Variants in TMEM218 observed in about 807,000 individuals in gnomAD.
TMEM218 encodes the protein transmembrane protein 218.
Under a neutral mutation model 10.0 loss-of-function variants are expected in TMEM218, and 8 were observed. The observed-to-expected ratio is 0.80, with a 90% CI of 0.47 to 1.44. The LOEUF (loss-of-function observed/expected upper bound fraction) is 1.44. Among genes scored for constraint, TMEM218 ranks in the 40% most tolerant of loss-of-function variants. The pLI is 0.00. For synonymous variants in TMEM218, 66 were observed against 63.5 expected (o/e 1.04, Z -0.18); for missense variants, 110 against 140.1 (o/e 0.79, Z 1.08).
At position 125,102,218 on chromosome 11, in the gene TMEM218, G is replaced by A. The variant is rs7114520; in HGVS notation, c.24C>T (p.Val8=). 0.016 allele frequency: 25,372 copies of A among 1,612,850 alleles called. 1,237 individuals are homozygous for A. The African/African-American group carries it at 0.17, about 11-fold the overall frequency. The part of the protein sequence containing the change: MAGTVLG[V]GAGVFILALL... Reference sequence around the variant, plus strand: ...GGGCTAAGATGAACACGCCCGCACCGACTCCGAGCACAGTGCCAGCCATCC... The same window carrying A: ...GGGCTAAGATGAACACGCCCGCACCAACTCCGAGCACAGTGCCAGCCATCC... Residue 8 remains valine (V), a synonymous_variant, in exon 3 of 5, where the codon GTC becomes GTT. Coordinates refer to ENST00000682305, the MANE Select transcript of TMEM218 (RefSeq NM_001258244.2).
In TMEM218 at chr11:125,097,582, G is replaced by C; in HGVS notation, c.*24C>G. On this transcript the variant is annotated 3_prime_UTR_variant, in exon 5 of 5. Coordinates refer to ENST00000682305, the MANE Select transcript of TMEM218 (RefSeq NM_001258244.2). ...TGTCATCACAATGAAGGAGAGAACA[G>C]GTTTTCGTTTTCCTGAAGAGTGGTC... 1 of 1,611,472 alleles carries C rather than the reference G, an allele frequency of 6.2e-7. No individual in the cohort carries two copies. Among genetic ancestry groups the C allele is most frequent in the East Asian group, 2.2e-5 (1 of 44,834 alleles).
intron 4 of TMEM218, among the ~76,000 whole-genome samples, chr11:125,098,559 C>T (rs1251917998): frequency 6.6e-6 from 1 of 152,190 alleles, no homozygotes; most frequent in Non-Finnish European, 1.5e-5. Context: ...TGACTGACTT[C>T]ACAGAAACTT....
rs1485609349 is a variant in TMEM218 at position 125,095,662 on chromosome 11, CA to C, written c.*1943del. ...TTTTTTTCCTAAAGCCAATCTTTAA[CA>C]TATATGCCTTTCATTTACATCAGGC... is the stretch of plus-strand genomic sequence containing the variant. On this transcript the variant is annotated 3_prime_UTR_variant, in exon 5 of 5. Coordinates refer to ENST00000682305, the MANE Select transcript of TMEM218 (RefSeq NM_001258244.2). 2.0e-5 allele frequency among the ~76,000 whole-genome samples: 3 copies of C among 150,630 alleles called. No homozygotes were observed. The highest frequency in any genetic ancestry group is 7.4e-5 in the African/African-American group (3 of 40,816).
chr11:125,105,077 G>C (rs1951797745), intron 1 of TMEM218: 1 of 152,138 alleles, frequency 6.6e-6, no homozygotes, highest in African/African-American at 2.4e-5. Context: ...TCACAGGATT[G>C]ACCAGTTTTT....
intron 2 of TMEM218, 27 bp downstream of exon 2, chr11:125,102,707 A>T: frequency 3.1e-6 from 4 of 1,290,656 alleles, no homozygotes; most frequent in Non-Finnish European, 4.0e-6. Flanking sequence ...CTCTCAGGTT[A>T]AATCCATGGT....
intron 3 of TMEM218, 105 bp from the exon 4 acceptor site, chr11:125,101,408 T>C: frequency 6.6e-7 from 1 of 1,516,792 alleles, no homozygotes. Flanking sequence ...TATGTTTCAG[T>C]CCCTTAACAA....
intron 1 of TMEM218, among the ~76,000 whole-genome samples, chr11:125,110,336 ATAATT>A (rs1278356530): frequency 6.6e-6 from 1 of 152,214 alleles, no homozygotes; most frequent in Admixed American, 6.5e-5. Flanking sequence ...GTGAAAAAAA[ATAATT>A]TAAATTTGAA....
At position 125,108,983 on chromosome 11, in the gene TMEM218, A is replaced by T. The variant is rs577875484; in HGVS notation, c.-153+2556T>A. 1.3e-5 allele frequency among the ~76,000 whole-genome samples: 2 copies of T among 152,338 alleles called. No individual in the cohort carries two copies. Among genetic ancestry groups the T allele is most frequent in the East Asian group, 3.9e-4 (2 of 5,192 alleles). On this transcript the variant is annotated intron_variant, in intron 1 of 4. Coordinates refer to ENST00000682305, the MANE Select transcript of TMEM218 (RefSeq NM_001258244.2). The surrounding 1 kb of genome is among the most constrained non-coding windows in gnomAD (Gnocchi z 5.3). ...AAAACACCCTAAAACGGGCAGCAAC[A>T]TCTTCTTGGGGAACCACTGTTCTAG...
At chr11:125,100,329 T>G (rs1335644161) in intron 4 of TMEM218, among the ~76,000 whole-genome samples, 2 of 152,230 alleles carry the variant, frequency 1.3e-5, no homozygotes, top group Non-Finnish European at 2.9e-5. Context: ...TCTGACAGAC[T>G]CAGTGTTCTT....
intron 4 of TMEM218, among the ~76,000 whole-genome samples, chr11:125,099,079 A>G (rs981242780): frequency 6.6e-6 from 1 of 152,220 alleles, no homozygotes; most frequent in Non-Finnish European, 1.5e-5. Flanking sequence ...CCATTAGTTC[A>G]CATAATTTGT....
Position 125,097,582 on chromosome 11 carries a change from G to A in TMEM218, c.*24C>T. ...TGTCATCACAATGAAGGAGAGAACA[G>A]GTTTTCGTTTTCCTGAAGAGTGGTC... On this transcript the variant is annotated 3_prime_UTR_variant, in exon 5 of 5. Transcript: ENST00000682305. The A allele has an allele frequency of 6.2e-7, 1 of 1,611,472 alleles. No homozygotes were observed. Among genetic ancestry groups the A allele is most frequent in the Non-Finnish European group, 8.5e-7 (1 of 1,178,502 alleles).
At chr11:125,107,678 C>G (rs151245600) in intron 1 of TMEM218, among the ~76,000 whole-genome samples, 1 of 151,856 alleles carries the variant, frequency 6.6e-6, no homozygotes, top group Non-Finnish European at 1.5e-5. Context: ...TGACATGAAA[C>G]AAGACTGGTC....
chr11:125,097,514 G>T lies in TMEM218; in HGVS notation c.*92C>A. ...ACTCCTCTAACCTTAAGGCATGAGGGCTGTCAAAACAAGGCTCTGAATAGT... is the reference window on the plus strand; with the variant it reads ...ACTCCTCTAACCTTAAGGCATGAGGTCTGTCAAAACAAGGCTCTGAATAGT... On this transcript the variant is annotated 3_prime_UTR_variant, in exon 5 of 5. Coordinates refer to ENST00000682305, the MANE Select transcript of TMEM218 (RefSeq NM_001258244.2). 1 of 1,403,254 alleles carries T rather than the reference G, an allele frequency of 7.1e-7. No homozygotes were observed. The highest frequency in any genetic ancestry group is 9.8e-7 in the Non-Finnish European group (1 of 1,021,588). 86.9% of individuals were successfully genotyped at this position (1,403,254 alleles called of 1,614,324 possible).
chr11:125,097,669 G>C lies in TMEM218; in HGVS notation c.285C>G (p.Leu95=). 1.2e-6 allele frequency: 2 copies of C among 1,614,176 alleles called. No homozygotes were observed. Among genetic ancestry groups the C allele is most frequent in the African/African-American group, 1.3e-5 (1 of 75,058 alleles). ...AFLSAIFLGG[L]FLVLIHYVLE... is the part of the protein sequence containing the mutation. Reference sequence around the variant, plus strand: ...GAACATAATGGATTAAAACCAAGAAGAGGCCTCCAAGGAAGATGGCACTAA... The same window carrying C: ...GAACATAATGGATTAAAACCAAGAACAGGCCTCCAAGGAAGATGGCACTAA... The change falls in exon 5 of 5, where the codon CTC becomes CTG. Residue 95 remains leucine (L), a synonymous_variant. Transcript: ENST00000682305.
intron 3 of TMEM218, chr11:125,101,894 T>C (rs1171516471): frequency 7.5e-6 from 4 of 534,150 alleles, no homozygotes; most frequent in Middle Eastern, 4.8e-4. Context: ...CAATAAGCAG[T>C]GAAAGCAGAG....
At chr11:125,102,840 T>C (rs1951129992) in intron 1 of TMEM218, 31 bp from the exon 2 acceptor site, 1 of 603,054 alleles carries the variant, frequency 1.7e-6, no homozygotes, top group African/African-American at 2.0e-5. Flanking sequence ...ATCACTATTT[T>C]TGAACATTCA....
rs1417095945 is a variant in TMEM218, at chr11:125,110,860, G to C, written c.-153+679C>G. The C allele has an allele frequency of 6.8e-5, 9 of 131,896 alleles. 2 individuals carry two copies. In the East Asian group the frequency reaches 1.7e-3, roughly 25 times the overall value. The allele number at this position is 131,896 out of a possible 1,614,324, so 8.2% of individuals were successfully genotyped here. A position where few individuals can be genotyped will look rare whatever the true frequency, so the allele number is the denominator to read the frequency against. The stretch of plus-strand genomic sequence containing the variant: ...AACCTTCAAAAATAACGGGGGGGGG[G>C]GGTTACTTTCACACTTTTATGTTTC... On this transcript the variant is annotated intron_variant, in intron 1 of 4. Transcript: ENST00000682305.
intron 1 of TMEM218, among the ~76,000 whole-genome samples, chr11:125,105,254 T>A (rs1951839578): frequency 6.6e-6 from 1 of 152,178 alleles, no homozygotes; most frequent in East Asian, 1.9e-4. Context: ...GAATCCCAAA[T>A]AGAAAGATTA....
rs141744337 is a variant in TMEM218, at chr11:125,097,716, G to A, written c.238C>T (p.Arg80Cys). 1.3e-4 allele frequency: 215 copies of A among 1,613,184 alleles called. No individual in the cohort carries two copies. Among genetic ancestry groups the A allele is most frequent in the Non-Finnish European group, 1.7e-4 (197 of 1,179,742 alleles). ...CTAAGGAAAGCCAGCAGGACATAGC[G>A]GCCAATGAAAAAGTCATCCACAATC... ...VKIVDDFFIG[R>C]YVLLAFLSAI... Residue 80 changes from arginine (R) to cysteine (C), a missense_variant, in exon 5 of 5, where the codon CGC becomes TGC. Coordinates refer to ENST00000682305, the MANE Select transcript of TMEM218 (RefSeq NM_001258244.2).
Sources: gnomAD v4.1 joint callset for allele counts (sites outside exome capture counted in the v4.1 genomes callset) on GRCh38, gnomAD v4.1.1 for gene constraint, Gnocchi (gnomAD v3.1) non-coding constraint, MANE v1.5 for transcripts, NCBI Gene and HGNC (gene_info 2026-07-23, HGNC 2026-07-21) for gene names.